The following NSD3 variants were observed in gnomAD, a reference collection of about 807,000 sequenced individuals.
NSD3 encodes the protein nuclear receptor binding SET domain protein 3, also known as histone-lysine N-methyltransferase NSD3.
In NSD3, 24 loss-of-function variants were observed where a neutral mutation model predicts 160.8. The ratio of observed to expected loss-of-function variants is 0.15; its 90% CI spans 0.11 to 0.21. The LOEUF (loss-of-function observed/expected upper bound fraction) is 0.21. NSD3 is among the 10% of genes least tolerant of loss of function. The probability of loss-of-function intolerance (pLI) is 1.00; values close to 1 mark genes in which losing one functional copy is unlikely to be tolerated. For synonymous variants in NSD3, 520 were observed against 600.0 expected (o/e 0.87, Z 1.95); for missense variants, 1,157 against 1,735.9 (o/e 0.67, Z 5.93).
At chr8:38,334,212 A>C (rs1347372582) in intron 4 of NSD3, among the ~76,000 whole-genome samples, 1 of 152,240 alleles carries the variant, frequency 6.6e-6, no homozygotes, top group African/African-American at 2.4e-5. Context: ...AAAGGAATAA[A>C]GCACTGATAC....
At chr8:38,292,134 A>AT (rs1343135052) in intron 16 of NSD3, among the ~76,000 whole-genome samples, 1 of 152,226 alleles carries the variant, frequency 6.6e-6, no homozygotes, top group Non-Finnish European at 1.5e-5. Flanking sequence ...TGTTTTAGAT[A>AT]TTTCTTATCT....
Position 38,329,609 on chromosome 8 carries a change from A to C in NSD3, c.1350T>G (p.His450Gln). The change falls in exon 6 of 24, where the codon CAT becomes CAG. Residue 450 changes from histidine (H) to glutamine (Q), a missense_variant. Physicochemically the swap from His to Gln is conservative, Grantham distance 24. Transcript: ENST00000317025. This position sits in a 1 kb window ranked among gnomAD's most constrained non-coding sequence, Gnocchi z 4.8. Reference sequence around the variant, plus strand: ...CCGCACTTGTGTGCCGCCTCTGGCTATGTCTCCGAATTTCAGTACTTGAGA... The same window carrying C: ...CCGCACTTGTGTGCCGCCTCTGGCTCTGTCTCCGAATTTCAGTACTTGAGA... The part of the protein sequence containing the change: ...SSLSSTEIRR[H>Q]SQRRHTSAEE... 1.2e-6 allele frequency: 2 copies of C among 1,614,148 alleles called. No individual in the cohort carries two copies. The highest frequency in any genetic ancestry group is 1.7e-6 in the Non-Finnish European group (2 of 1,180,036).
intron 5 of NSD3, among the ~76,000 whole-genome samples, chr8:38,330,331 C>A (rs1049077473): frequency 1.3e-5 from 2 of 152,242 alleles, no homozygotes; most frequent in Admixed American, 1.3e-4. Flanking sequence ...CACAACAAAG[C>A]TACTGGCAGA....
chr8:38,272,656 CAT>C lies in NSD3; in HGVS notation c.*2983_*2984del, dbSNP rs1458138807. 2.0e-5 allele frequency: 3 copies of C among 152,224 alleles called. No individual in the cohort carries two copies. The highest frequency in any genetic ancestry group is 2.1e-4 in the South Asian group (1 of 4,836). The allele number at this position is 152,224 out of a possible 1,614,324, so 9.4% of individuals were successfully genotyped here. A position where few individuals can be genotyped will look rare whatever the true frequency, so the allele number is the denominator to read the frequency against. The stretch of plus-strand genomic sequence containing the variant: ...TTCACTTCTTCCTTCAACAAATTAA[CAT>C]GTGGTTAAAAAAAATACCACCATTA... On this transcript the variant is annotated 3_prime_UTR_variant, in exon 24 of 24. Coordinates refer to ENST00000317025, the MANE Select transcript of NSD3 (RefSeq NM_023034.2).
intron 14 of NSD3, chr8:38,299,833 C>G (rs982233756): frequency 2.9e-6 from 1 of 344,484 alleles, no homozygotes; most frequent in Non-Finnish European, 5.2e-6. Flanking sequence ...AAGAAAACTT[C>G]AAATAATTTG....
At position 38,288,352 on chromosome 8, in the gene NSD3, A is replaced by C; in HGVS notation, c.3501+135T>G. The C allele has an allele frequency of 7.7e-7, 1 of 1,292,658 alleles. No individual in the cohort carries two copies. Among genetic ancestry groups the C allele is most frequent in the Non-Finnish European group, 1.1e-6 (1 of 948,500 alleles). 80.1% of individuals were successfully genotyped at this position (1,292,658 alleles called of 1,614,324 possible). ...ACTCTTCTTTGCTCAAGAAGTACCA[A>C]ACTCTCAACATGGAAAGTTTTAACA... On this transcript the variant is annotated intron_variant, in intron 19 of 23. Transcript: ENST00000317025. This position sits in a 1 kb window ranked among gnomAD's most constrained non-coding sequence, Gnocchi z 4.5.
At position 38,274,475 on chromosome 8, in the gene NSD3, G is replaced by A. The variant is rs1808553375; in HGVS notation, c.*1166C>T. On this transcript the variant is annotated 3_prime_UTR_variant, in exon 24 of 24. Coordinates refer to ENST00000317025, the MANE Select transcript of NSD3 (RefSeq NM_023034.2). ...CTCAATGGGAGCAATCTTAAGTACT[G>A]GATAATAATAGAAATTCTTTACATG... 6.6e-6 allele frequency: 1 copy of A among 152,114 alleles called. No individual in the cohort carries two copies. The highest frequency in any genetic ancestry group is 1.5e-5 in the Non-Finnish European group (1 of 68,022). The allele number at this position is 152,114 out of a possible 1,614,324, so 9.4% of individuals were successfully genotyped here. A position where few individuals can be genotyped will look rare whatever the true frequency, so the allele number is the denominator to read the frequency against.
chr8:38,289,281 A>G (rs1808939970), intron 18 of NSD3, 112 bp downstream of exon 18: 1 of 992,004 alleles, frequency 1.0e-6, no homozygotes. Context: ...GTCTTTAACT[A>G]CTAAAGAGTA....
intron 1 of NSD3, among the ~76,000 whole-genome samples, chr8:38,366,207 A>G (rs544607869): frequency 4.7e-4 from 71 of 152,070 alleles, no homozygotes; most frequent in African/African-American, 1.6e-3. Flanking sequence ...TAGTAATTGC[A>G]CTGATTAAAA....
At chr8:38,296,416 AT>A (rs1297510524) in intron 15 of NSD3, among the ~76,000 whole-genome samples, 1 of 144,912 alleles carries the variant, frequency 6.9e-6, no homozygotes, top group Non-Finnish European at 1.6e-5. Flanking sequence ...TTACAATATA[AT>A]TAGCAAGCAA....
intron 21 of NSD3, among the ~76,000 whole-genome samples, chr8:38,278,752 A>G (rs553070552): frequency 6.6e-6 from 1 of 152,342 alleles, no homozygotes; most frequent in African/African-American, 2.4e-5. Context: ...AACTCACACT[A>G]GTTTCTAAAT....
Position 38,275,507 on chromosome 8 carries a change from A to T in NSD3, c.*134T>A. On this transcript the variant is annotated 3_prime_UTR_variant, in exon 24 of 24. Coordinates refer to ENST00000317025, the MANE Select transcript of NSD3 (RefSeq NM_023034.2). ...CCACCAACTGCTTCTGCCTGCATGA[A>T]CTGGTTTCCCATTTTTGCTTTAATA... is the stretch of plus-strand genomic sequence containing the variant. 2 of 802,156 alleles carry T rather than the reference A, an allele frequency of 2.5e-6. No individual in the cohort carries two copies. Among genetic ancestry groups the T allele is most frequent in the South Asian group, 3.8e-5 (2 of 51,956 alleles). The allele number at this position is 802,156 out of a possible 1,614,324, so 49.7% of individuals were successfully genotyped here. A position where few individuals can be genotyped will look rare whatever the true frequency, so the allele number is the denominator to read the frequency against.
chr8:38,293,030 T>C (rs1303998240), intron 16 of NSD3, among the ~76,000 whole-genome samples: 2 of 145,760 alleles, frequency 1.4e-5, no homozygotes, highest in African/African-American at 5.2e-5. Context: ...CCCAGCTACT[T>C]GGGAGGCTGA....
Position 38,295,980 on chromosome 8 carries a change from C to T in NSD3, c.2759-28G>A, listed in dbSNP as rs572755139. On this transcript the variant is annotated intron_variant, in intron 15 of 23. Coordinates refer to ENST00000317025, the MANE Select transcript of NSD3 (RefSeq NM_023034.2). The stretch of plus-strand genomic sequence containing the variant: ...TGAAACAAATAAACAGTCTTAATAA[C>T]TGAGAAAAGAGGAGAGAGAAAAAGA... 2.5e-6 allele frequency: 4 copies of T among 1,579,426 alleles called. No individual in the cohort carries two copies. The East Asian group carries it at 9.1e-5, about 36-fold the overall frequency.
chr8:38,296,067 A>G (rs1809130927), intron 15 of NSD3, 115 bp from the exon 16 acceptor site: 13 of 1,059,454 alleles, frequency 1.2e-5, no homozygotes, highest in Middle Eastern at 2.8e-4. Flanking sequence ...GGGGAAAATA[A>G]CAAAGGGACT....
intron 4 of NSD3, among the ~76,000 whole-genome samples, chr8:38,336,433 T>C (rs578050007): frequency 6.6e-6 from 1 of 152,182 alleles, no homozygotes; most frequent in Non-Finnish European, 1.5e-5. Context: ...TTCTATATTA[T>C]ATAGCAACCT....
intron 19 of NSD3, among the ~76,000 whole-genome samples, chr8:38,285,524 G>C (rs1460780478): frequency 6.6e-6 from 1 of 152,186 alleles, no homozygotes; most frequent in Non-Finnish European, 1.5e-5. Context: ...AAACCCTCAA[G>C]TGCTAGCTAA....
chr8:38,305,989 A>T (rs1053009472), intron 12 of NSD3, among the ~76,000 whole-genome samples: 1 of 152,128 alleles, frequency 6.6e-6, no homozygotes, highest in East Asian at 1.9e-4. Context: ...AATGGAAGCC[A>T]AAAAAACAAT....
intron 10 of NSD3, 125 bp from the exon 11 acceptor site, chr8:38,315,669 CCTTT>C (rs1809643117): frequency 7.3e-6 from 10 of 1,365,648 alleles, no homozygotes; most frequent in East Asian, 2.5e-5. Flanking sequence ...CTTTTTCCTT[CCTTT>C]CTTTCCAAAA....
Sources: allele counts gnomAD v4.1 joint callset (sites outside exome capture counted in the v4.1 genomes callset), GRCh38; gene constraint gnomAD v4.1.1; non-coding constraint Gnocchi (gnomAD v3.1); transcripts MANE v1.5; gene names NCBI Gene and HGNC (gene_info 2026-07-23, HGNC 2026-07-21).